The following IGFALS variants were observed in gnomAD, a reference collection of about 807,000 sequenced individuals.
The protein encoded by IGFALS is insulin like growth factor binding protein acid labile subunit.
IGFALS carries 2 observed loss-of-function variants against 2.6 expected under a neutral mutation model. That is an observed-to-expected ratio of 0.77 (90% CI 0.32 to 2.44). IGFALS has a LOEUF of 2.44. Ranked by LOEUF, IGFALS falls within the 30% of genes most tolerant of loss-of-function variation. The probability of loss-of-function intolerance (pLI) is 0.11; values close to 1 mark genes in which losing one functional copy is unlikely to be tolerated. For synonymous variants in IGFALS, 519 were observed against 431.9 expected (o/e 1.20, Z -2.50); for missense variants, 996 against 848.7 (o/e 1.17, Z -2.16).
At position 1,790,759 on chromosome 16, in the gene IGFALS, C is replaced by G. The variant is rs745585593; in HGVS notation, c.1659G>C (p.Gln553His). 6.3e-7 allele frequency: 1 copy of G among 1,598,446 alleles called. No homozygotes were observed. Among genetic ancestry groups the G allele is most frequent in the East Asian group, 2.3e-5 (1 of 44,064 alleles). Residue 553 changes from glutamine to histidine, a missense_variant, in exon 2 of 2, where the codon CAG (glutamine) becomes CAC (histidine). Coordinates refer to ENST00000215539, the MANE Select transcript of IGFALS (RefSeq NM_004970.3). ...PLKALRDFALQNPSAVPRFVQ... is the reference protein window; with the variant it reads ...PLKALRDFALHNPSAVPRFVQ... The stretch of plus-strand genomic sequence containing the variant: ...CGAAGCGGGGCACAGCACTGGGGTT[C>G]TGCAGGGCGAAGTCCCGCAGCGCCT...
At chr16:1,792,556 G>A (rs572726393) in intron 1 of IGFALS, 155 bp from the exon 2 acceptor site, 3 of 1,376,374 alleles carry the variant, frequency 2.2e-6, no homozygotes, top group Middle Eastern at 2.2e-4. Flanking sequence ...AGGTCCTCCG[G>A]CTCAAAAGCT....
chr16:1,790,468 T>C lies in IGFALS; in HGVS notation c.*132A>G. 1 of 796,534 alleles carries C rather than the reference T, an allele frequency of 1.3e-6. No homozygotes were observed. The highest frequency in any genetic ancestry group is 1.7e-5 in the African/African-American group (1 of 58,982). 49.3% of individuals were successfully genotyped at this position (796,534 alleles called of 1,614,324 possible). On this transcript the variant is annotated 3_prime_UTR_variant, in exon 2 of 2. Transcript: ENST00000215539. ...TGACAGCTGGGGGGGCCGCCATGCC[T>C]TCCACCCCATCAGGCCCTTGCGTCT...
chr16:1,793,110 C>G (rs920803727), intron 1 of IGFALS, among the ~76,000 whole-genome samples: 1 of 152,242 alleles, frequency 6.6e-6, no homozygotes, highest in African/African-American at 2.4e-5. Flanking sequence ...ATGGCCCCCC[C>G]ATCCTCAGAG....
Position 1,792,321 on chromosome 16 carries a change from G to A in IGFALS, c.97C>T (p.Pro33Ser). Residue 33 changes from proline to serine, a missense_variant, in exon 2 of 2, where the codon CCG (proline) becomes TCG (serine). Transcript: ENST00000215539. Reference sequence around the variant, plus strand: ...CACGCTGGGCCCTCGGCTTCCCCCGGCGTTCCGGGGTCTGCTCCCTCCAGG... The same window carrying A: ...CACGCTGGGCCCTCGGCTTCCCCCGACGTTCCGGGGTCTGCTCCCTCCAGG... ...RSLEGADPGT[P>S]GEAEGPACPA... 2 of 1,596,458 alleles carry A rather than the reference G, an allele frequency of 1.3e-6. No individual in the cohort carries two copies. Among genetic ancestry groups the A allele is most frequent in the African/African-American group, 1.3e-5 (1 of 74,988 alleles).
At chr16:1,794,423 C>T (rs1358610875), upstream of IGFALS, among the ~76,000 whole-genome samples, 2 of 152,154 alleles carry the variant, frequency 1.3e-5, no homozygotes, top group Admixed American at 1.3e-4. Context: ...AGGTCTTGTG[C>T]CTCAGACAAG....
At chr16:1,793,221 C>T (rs1897271257) in intron 1 of IGFALS, among the ~76,000 whole-genome samples, 1 of 152,174 alleles carries the variant, frequency 6.6e-6, no homozygotes, top group African/African-American at 2.4e-5. Flanking sequence ...CTCTGGAGCT[C>T]AGCTCAGGCT....
Position 1,790,563 on chromosome 16 carries a change from G to T in IGFALS, c.*37C>A. The T allele has an allele frequency of 6.6e-7, 1 of 1,518,156 alleles. No individual in the cohort carries two copies. The highest frequency in any genetic ancestry group is 8.9e-7 in the Non-Finnish European group (1 of 1,118,174). 94.0% of individuals were successfully genotyped at this position (1,518,156 alleles called of 1,614,324 possible). A position where few individuals can be genotyped will look rare whatever the true frequency, so the allele number is the denominator to read the frequency against. Reference sequence around the variant, plus strand: ...GTCCCCAGCACAAGGTGAGCCAGGTGGGGGCCTGAGTCCGGGGCTTGAGTC... The same window carrying T: ...GTCCCCAGCACAAGGTGAGCCAGGTTGGGGCCTGAGTCCGGGGCTTGAGTC... On this transcript the variant is annotated 3_prime_UTR_variant, in exon 2 of 2. Coordinates refer to ENST00000215539, the MANE Select transcript of IGFALS (RefSeq NM_004970.3).
At chr16:1,793,722 C>G (rs889221079), upstream of IGFALS, 3 of 1,485,926 alleles carry the variant, frequency 2.0e-6, no homozygotes, top group African/African-American at 2.8e-5. Flanking sequence ...CACCCCTGCC[C>G]TCTGGATTTC....
In IGFALS at chr16:1,792,196, G is replaced by GT. The variant is rs1356352068; in HGVS notation, c.221_222insA (p.Gly75ArgfsTer107). On this transcript the variant is annotated frameshift_variant, in exon 2 of 2. Coordinates refer to ENST00000215539, the MANE Select transcript of IGFALS (RefSeq NM_004970.3). LOFTEE classifies it low-confidence loss of function (END_TRUNC). The stretch of plus-strand genomic sequence containing the variant: ...CGTCCAGCCACAGGGCTTGGGTGCC[G>GT]CCCGGGACTCCATCAGGCAGGCGCG... 18 of 1,610,264 alleles carry GT rather than the reference G, an allele frequency of 1.1e-5. No homozygotes were observed. Among genetic ancestry groups the GT allele is most frequent in the Non-Finnish European group, 1.5e-5 (18 of 1,179,684 alleles).
intron 1 of IGFALS, among the ~76,000 whole-genome samples, chr16:1,793,344 C>G (rs1370105064): frequency 6.6e-6 from 1 of 152,084 alleles, no homozygotes; most frequent in Non-Finnish European, 1.5e-5. Context: ...CTTCCCGCCG[C>G]TGTGCTGGGA....
Position 1,790,492 on chromosome 16 carries a change from C to A in IGFALS, c.*108G>T, listed in dbSNP as rs1283792084. On this transcript the variant is annotated 3_prime_UTR_variant, in exon 2 of 2. Transcript: ENST00000215539. ...CTTCCACCCCATCAGGCCCTTGCGT[C>A]TTCCAGCAAGTGCACTGGGCAGGCC... 1 of 984,406 alleles carries A rather than the reference C, an allele frequency of 1.0e-6. No homozygotes were observed. The highest frequency in any genetic ancestry group is 1.6e-5 in the African/African-American group (1 of 62,360). The allele number at this position is 984,406 out of a possible 1,614,324, so 61.0% of individuals were successfully genotyped here.
Position 1,790,630 on chromosome 16 carries a change from G to A in IGFALS, c.1788C>T (p.Asp596=), listed in dbSNP as rs1897195935. ...PPEVVGLDLR[D]LSEAHFAPC ...AGGGAGCAAAGTGGGCCTCGCTGAG[G>A]TCCCGCAGGTCGAGCCCCACGACCT... Residue 596 remains aspartate, a synonymous_variant, in exon 2 of 2, where the codon GAC becomes GAT. Coordinates refer to ENST00000215539, the MANE Select transcript of IGFALS (RefSeq NM_004970.3). 1 of 1,579,528 alleles carries A rather than the reference G, an allele frequency of 6.3e-7. No homozygotes were observed. Among genetic ancestry groups the A allele is most frequent in the South Asian group, 1.2e-5 (1 of 86,482 alleles).
intron 1 of IGFALS, chr16:1,792,643 T>A: frequency 1.6e-6 from 1 of 629,464 alleles, no homozygotes; most frequent in Non-Finnish European, 2.4e-6. Flanking sequence ...GGCTTGGCTC[T>A]CCAGCTGTGC....
At chr16:1,794,750 G>T (rs1271702627), upstream of IGFALS, 1 of 680,640 alleles carries the variant, frequency 1.5e-6, no homozygotes, top group Non-Finnish European at 2.7e-6. Context: ...CAGGGAAGCA[G>T]CCGGAAGGGG....
chr16:1,791,077 C>G lies in IGFALS; in HGVS notation c.1341G>C (p.Thr447=). The change falls in exon 2 of 2, where the codon ACG becomes ACC. Residue 447 remains threonine, a synonymous_variant. Transcript: ENST00000215539. The stretch of plus-strand genomic sequence containing the variant: ...CCTGGAAGAGGCGGTGGGGCAGGTG[C>G]GTGAGCTGGTTGGAGGTCAGGTCGA... ...LELDLTSNQL[T]HLPHRLFQGL... 1 of 1,599,250 alleles carries G rather than the reference C, an allele frequency of 6.3e-7. No individual in the cohort carries two copies. Among genetic ancestry groups the G allele is most frequent in the Non-Finnish European group, 8.5e-7 (1 of 1,179,776 alleles).
In IGFALS at chr16:1,792,390, G is replaced by C; in HGVS notation, c.28C>G (p.Leu10Val). 3 of 1,570,886 alleles carry C rather than the reference G, an allele frequency of 1.9e-6. No homozygotes were observed. The South Asian group carries it at 3.4e-5, about 18-fold the overall frequency. Residue 10 changes from leucine (L) to valine (V), a missense_variant, in exon 2 of 2, where the codon CTG becomes GTG. Leu to Val is a conservative substitution (Grantham distance 32). Coordinates refer to ENST00000215539, the MANE Select transcript of IGFALS (RefSeq NM_004970.3). MALRKGGLALALLLLSWVAL... is the reference protein window; with the variant it reads MALRKGGLAVALLLLSWVAL... The stretch of plus-strand genomic sequence containing the variant: ...ACCCAGGACAGCAGCAGCAGCGCCA[G>C]GGCCAGGCCTCCTGCGGGGGGAGAG...
upstream of IGFALS, chr16:1,793,744 G>T: frequency 1.5e-6 from 2 of 1,338,624 alleles, no homozygotes; most frequent in Non-Finnish European, 2.1e-6. Flanking sequence ...CCACTGCGGG[G>T]CAGCCCGCGC....
chr16:1,793,800 C>T (rs1157223998), upstream of IGFALS: 4 of 713,772 alleles, frequency 5.6e-6, no homozygotes, highest in Non-Finnish European at 9.0e-6. Context: ...CTCTGTTAAC[C>T]CCCTCGTGCC....
At chr16:1,794,482 G>A (rs1309563493), upstream of IGFALS, among the ~76,000 whole-genome samples, 2 of 152,078 alleles carry the variant, frequency 1.3e-5, no homozygotes, top group South Asian at 2.1e-4. Flanking sequence ...GGGCCTGGCC[G>A]CCCCACAGTC....
Sources: allele counts gnomAD v4.1 joint callset (sites outside exome capture counted in the v4.1 genomes callset), GRCh38; gene constraint gnomAD v4.1.1; transcripts MANE v1.5; gene names NCBI Gene and HGNC (gene_info 2026-07-23, HGNC 2026-07-21).